ARL6IP5: variants seen among roughly 807,000 people sequenced by gnomAD.
ARL6IP5 encodes ARF like GTPase 6 interacting protein 5.
ARL6IP5 carries 6 observed loss-of-function variants against 13.0 expected under a neutral mutation model. The observed-to-expected ratio is 0.46, with a 90% CI of 0.25 to 0.91. ARL6IP5 has a LOEUF of 0.91. ARL6IP5 is among the 40% of genes least tolerant of loss of function. ARL6IP5 has a pLI of 0.17. For synonymous variants in ARL6IP5, 91 were observed against 91.9 expected (o/e 0.99, Z 0.06); for missense variants, 208 against 248.8 (o/e 0.84, Z 1.10).
intron 1 of ARL6IP5, among the ~76,000 whole-genome samples, chr3:69,095,772 G>C (rs537314905): frequency 8.5e-5 from 13 of 152,254 alleles, no homozygotes; most frequent in Admixed American, 8.5e-4. Context: ...TGGGATTACA[G>C]TTATGATCCA....
intron 1 of ARL6IP5, among the ~76,000 whole-genome samples, chr3:69,101,187 C>T (rs549991304): frequency 1.2e-3 from 185 of 152,200 alleles, no homozygotes; most frequent in African/African-American, 3.7e-3. Flanking sequence ...ACACAACCTA[C>T]TGTGTACTAG....
intron 1 of ARL6IP5, among the ~76,000 whole-genome samples, chr3:69,093,337 T>G (rs1328041541): frequency 6.6e-6 from 1 of 152,150 alleles, no homozygotes; most frequent in Non-Finnish European, 1.5e-5. Flanking sequence ...TTCAGTTGGT[T>G]AGGAAAATCT....
intron 1 of ARL6IP5, among the ~76,000 whole-genome samples, chr3:69,095,541 C>T (rs1215722791): frequency 6.6e-6 from 1 of 151,316 alleles, no homozygotes; most frequent in Non-Finnish European, 1.5e-5. Flanking sequence ...GCTCTGTCAC[C>T]CACGCTGGAG....
At chr3:69,093,624 G>A (rs1037077841) in intron 1 of ARL6IP5, among the ~76,000 whole-genome samples, 7 of 151,904 alleles carry the variant, frequency 4.6e-5, no homozygotes, top group Admixed American at 2.6e-4. Context: ...TTAGCTGGGT[G>A]TGGTGGCGCA....
At chr3:69,096,286 A>C (rs1349334929) in intron 1 of ARL6IP5, among the ~76,000 whole-genome samples, 1 of 152,150 alleles carries the variant, frequency 6.6e-6, no homozygotes, top group Admixed American at 6.5e-5. Flanking sequence ...GAACAGGTGA[A>C]ACAAATTTGG....
chr3:69,103,070 A>G (rs1219396240), intron 2 of ARL6IP5, among the ~76,000 whole-genome samples: 1 of 152,258 alleles, frequency 6.6e-6, no homozygotes, highest in Non-Finnish European at 1.5e-5. Context: ...TTGCTTGTTT[A>G]GGGCTTTGTT....
intron 1 of ARL6IP5, among the ~76,000 whole-genome samples, chr3:69,092,719 C>T (rs1017131226): frequency 6.6e-6 from 1 of 152,000 alleles, no homozygotes; most frequent in Non-Finnish European, 1.5e-5. Flanking sequence ...GGGGTTTCAC[C>T]ATGTTGGCCA....
At chr3:69,104,373 T>A in intron 2 of ARL6IP5, 91 bp from the exon 3 acceptor site, 1 of 1,339,040 alleles carries the variant, frequency 7.5e-7, no homozygotes, top group Non-Finnish European at 1.0e-6. Flanking sequence ...ACTAAGGCAG[T>A]TTACTAATAG....
chr3:69,102,076 T>C lies in ARL6IP5; in HGVS notation c.394+20T>C. 1.2e-6 allele frequency: 2 copies of C among 1,606,148 alleles called. No homozygotes were observed. Among genetic ancestry groups the C allele is most frequent in the African/African-American group, 2.7e-5 (2 of 74,826 alleles). On this transcript the variant is annotated intron_variant, in intron 2 of 2. Transcript: ENST00000273258. The stretch of plus-strand genomic sequence containing the variant: ...TGCTGTGTAAGTGAACTTGAGTTTT[T>C]TCTTCCATCATCAAAAAAATGTAGA...
chr3:69,092,259 T>A (rs2092270248), intron 1 of ARL6IP5, among the ~76,000 whole-genome samples: 1 of 152,224 alleles, frequency 6.6e-6, no homozygotes, highest in Non-Finnish European at 1.5e-5. Context: ...CAGAAAGCCC[T>A]GCTTCTTCTA....
intron 1 of ARL6IP5, among the ~76,000 whole-genome samples, chr3:69,093,637 CT>C (rs2092276813): frequency 6.6e-6 from 1 of 151,832 alleles, no homozygotes; most frequent in South Asian, 2.1e-4. Context: ...GTGGCGCATG[CT>C]TTAATCCCAG....
intron 1 of ARL6IP5, among the ~76,000 whole-genome samples, chr3:69,090,645 C>A (rs1361506969): frequency 6.6e-6 from 1 of 152,162 alleles, no homozygotes; most frequent in African/African-American, 2.4e-5. Flanking sequence ...ACTATCCTAA[C>A]CCACAGCTCA....
intron 1 of ARL6IP5, chr3:69,089,997 G>C: frequency 2.6e-6 from 1 of 386,422 alleles, no homozygotes; most frequent in South Asian, 1.9e-5. Flanking sequence ...TTATAAGTTT[G>C]AAAACAGCAT....
intron 2 of ARL6IP5, among the ~76,000 whole-genome samples, chr3:69,103,028 A>T (rs1575865204): frequency 6.6e-6 from 1 of 152,218 alleles, no homozygotes; most frequent in African/African-American, 2.4e-5. Context: ...ATAACATTTG[A>T]CATGTGCACT....
chr3:69,104,783 T>A lies in ARL6IP5; in HGVS notation c.*147T>A. On this transcript the variant is annotated 3_prime_UTR_variant, in exon 3 of 3. Coordinates refer to ENST00000273258, the MANE Select transcript of ARL6IP5 (RefSeq NM_006407.4). The stretch of plus-strand genomic sequence containing the variant: ...AGCATGCATGTATAGGCCGAACTAT[T>A]ATCAGCTCTGATGTTTCAGAGAGAA... The A allele has an allele frequency of 1.1e-6, 1 of 887,940 alleles. No individual in the cohort carries two copies. Among genetic ancestry groups the A allele is most frequent in the Non-Finnish European group, 1.8e-6 (1 of 554,284 alleles). The allele number at this position is 887,940 out of a possible 1,614,324, so 55.0% of individuals were successfully genotyped here. A position where few individuals can be genotyped will look rare whatever the true frequency, so the allele number is the denominator to read the frequency against.
chr3:69,097,295 G>A (rs1303500074), intron 1 of ARL6IP5, among the ~76,000 whole-genome samples: 3 of 151,342 alleles, frequency 2.0e-5, no homozygotes, highest in Non-Finnish European at 2.9e-5. Context: ...AAGTAGTGGG[G>A]ACTATAGGTG....
At chr3:69,099,187 A>G (rs2092296909) in intron 1 of ARL6IP5, among the ~76,000 whole-genome samples, 1 of 149,528 alleles carries the variant, frequency 6.7e-6, no homozygotes, top group African/African-American at 2.5e-5. Context: ...CCTGGCCAAC[A>G]TGGTGAAACC....
chr3:69,104,305 G>A (rs1465830874), intron 2 of ARL6IP5, among the ~76,000 whole-genome samples, 159 bp from the exon 3 acceptor site: 1 of 152,060 alleles, frequency 6.6e-6, no homozygotes, highest in Non-Finnish European at 1.5e-5. Flanking sequence ...TTTACATAAA[G>A]TCCAAGGAGC....
chr3:69,097,757 G>C (rs1159064197), intron 1 of ARL6IP5, among the ~76,000 whole-genome samples: 1 of 152,196 alleles, frequency 6.6e-6, no homozygotes, highest in African/African-American at 2.4e-5. Context: ...AGGGGAAGAG[G>C]GCAGAGAGAA....
Sources: allele counts gnomAD v4.1 joint callset (sites outside exome capture counted in the v4.1 genomes callset), GRCh38; gene constraint gnomAD v4.1.1; transcripts MANE v1.5; gene names NCBI Gene and HGNC (gene_info 2026-07-23, HGNC 2026-07-21).